COP1: variants seen among roughly 807,000 people sequenced by gnomAD.
The protein encoded by COP1 is E3 ubiquitin-protein ligase COP1.
A neutral mutation model predicts 101.3 loss-of-function variants in COP1; 24 were observed. The ratio of observed to expected loss-of-function variants is 0.24; its 90% confidence interval spans 0.17 to 0.33. The LOEUF (loss-of-function observed/expected upper bound fraction) is 0.33, where lower values mean the gene tolerates loss of function less well. Among genes scored for constraint, COP1 ranks in the 10% least tolerant of loss-of-function variants. The probability of loss-of-function intolerance (pLI) is 1.00; values close to 1 mark genes in which losing one functional copy is unlikely to be tolerated. For synonymous variants in COP1, 347 were observed against 341.9 expected (o/e 1.01, Z -0.17); for missense variants, 663 against 906.2 (o/e 0.73, Z 3.45).
Position 176,206,867 on chromosome 1 carries a change from G to C in COP1, c.112C>G (p.Pro38Ala), listed in dbSNP as rs1222646575. The C allele has an allele frequency of 6.9e-7, 1 of 1,440,298 alleles. No homozygotes were observed. The highest frequency in any genetic ancestry group is 1.5e-5 in the African/African-American group (1 of 67,700). 89.2% of individuals were successfully genotyped at this position (1,440,298 alleles called of 1,614,324 possible). A position where few individuals can be genotyped will look rare whatever the true frequency, so the allele number is the denominator to read the frequency against. ...GCTGCCGCCGAAACCGCCACGGAAG[G>C]CGGCGACGGGGAAGAGGATAAAGAC... ...SSSLSSSPSP[P>A]SVAVSAAALV... is the part of the protein sequence containing the mutation. Residue 38 changes from proline (P) to alanine (A), a missense_variant, in exon 1 of 20, where the codon CCT (proline) becomes GCT (alanine). Pro to Ala is a conservative substitution (Grantham distance 27). This residue lies in a region of COP1 where 204 missense variants were observed against 203.6 expected (regional missense o/e 1.00). Coordinates refer to ENST00000367669, the MANE Select transcript of COP1 (RefSeq NM_022457.7).
intron 15 of COP1, among the ~76,000 whole-genome samples, chr1:175,998,998 A>G (rs979755497): frequency 5.9e-5 from 9 of 152,096 alleles, no homozygotes; most frequent in Non-Finnish European, 1.3e-4. Flanking sequence ...ATGGGTTTCT[A>G]TGACTCTCTA....
chr1:176,031,340 G>T (rs2149095196), intron 14 of COP1, among the ~76,000 whole-genome samples: 1 of 152,252 alleles, frequency 6.6e-6, no homozygotes, highest in South Asian at 2.1e-4. Flanking sequence ...AATCAAGTAT[G>T]AGAAGAAACT....
rs538047441 is a variant in COP1 at position 176,186,355 on chromosome 1, A to T, written c.408-1663T>A. On this transcript the variant is annotated intron_variant, in intron 1 of 19. Transcript: ENST00000367669. ...ACCTCATCTCTACAAAAAAAAAATT[A>T]AAAAAAAAAACACAAAAACTAGCAA... is the stretch of plus-strand genomic sequence containing the variant. Among the ~76,000 whole-genome samples the T allele has an allele frequency of 1.0e-3, 149 of 145,168 alleles. 2 individuals carry two copies. The South Asian group carries it at 0.026, about 25-fold the overall frequency.
At chr1:176,046,945 G>A (rs1037812748) in intron 11 of COP1, among the ~76,000 whole-genome samples, 4 of 151,810 alleles carry the variant, frequency 2.6e-5, no homozygotes, top group Non-Finnish European at 5.9e-5. Flanking sequence ...CACAAAAGAG[G>A]TTAAATAAAT....
rs1682883515 is a variant in COP1 at position 176,098,867 on chromosome 1, CAG to C, written c.1027-12979_1027-12978del. On this transcript the variant is annotated intron_variant, in intron 9 of 19. Coordinates refer to ENST00000367669, the MANE Select transcript of COP1 (RefSeq NM_022457.7). The stretch of plus-strand genomic sequence containing the variant: ...CCTGATGCCTAGCTTTTGGATGCTG[CAG>C]AGAGTCCCTGGAGTATCCAAATGAG... 3.3e-5 allele frequency among the ~76,000 whole-genome samples: 5 copies of C among 152,288 alleles called. No homozygotes were observed. The South Asian group carries it at 1.0e-3, about 32-fold the overall frequency.
intron 9 of COP1, among the ~76,000 whole-genome samples, chr1:176,108,834 C>T (rs187720997): frequency 6.6e-6 from 1 of 152,192 alleles, no homozygotes; most frequent in Non-Finnish European, 1.5e-5. Flanking sequence ...ATAAAATTGG[C>T]CTGGAGCGGT....
rs536402509 is a variant in COP1 at position 175,976,186 on chromosome 1, G to A, written c.2133+10757C>T. ...CAAGGCTAATTTGTTAATTGGGAAA[G>A]GTATAACTATTTTATTCTGTTCAGA... On this transcript the variant is annotated intron_variant, in intron 18 of 19. Transcript: ENST00000367669. Among the ~76,000 whole-genome samples the A allele has an allele frequency of 1.7e-3, 255 of 149,356 alleles. 1 individual carries two copies. The highest frequency in any genetic ancestry group is 6.0e-3 in the African/African-American group (244 of 40,762).
chr1:175,949,111 A>G (rs1036930228), intron 18 of COP1, among the ~76,000 whole-genome samples: 4 of 135,790 alleles, frequency 2.9e-5, no homozygotes, highest in Admixed American at 1.7e-4. Context: ...TGCAGTGAGC[A>G]AAGATTGCAC....
At chr1:175,970,869 C>A (rs1653098591) in intron 18 of COP1, among the ~76,000 whole-genome samples, 1 of 152,014 alleles carries the variant, frequency 6.6e-6, no homozygotes, top group South Asian at 2.1e-4. Context: ...TTCTGAAAGA[C>A]CTGGGTCAAC....
At chr1:176,127,622 T>C (rs1460411731) in intron 8 of COP1, among the ~76,000 whole-genome samples, 3 of 151,862 alleles carry the variant, frequency 2.0e-5, no homozygotes, top group Middle Eastern at 3.4e-3. Context: ...TGTATATATA[T>C]ATACATACAA....
chr1:176,010,786 T>C (rs1664522374), intron 15 of COP1, among the ~76,000 whole-genome samples: 1 of 152,200 alleles, frequency 6.6e-6, no homozygotes, highest in Non-Finnish European at 1.5e-5. Context: ...TGCAGCTAAA[T>C]GTCAAATGTC....
At chr1:176,021,595 T>C (rs1666760568) in intron 15 of COP1, among the ~76,000 whole-genome samples, 1 of 152,202 alleles carries the variant, frequency 6.6e-6, no homozygotes, top group South Asian at 2.1e-4. Context: ...AAAAACCATG[T>C]AGGCATGTAA....
chr1:176,113,432 CTGGTT>C (rs1685623353), intron 9 of COP1, among the ~76,000 whole-genome samples: 1 of 152,060 alleles, frequency 6.6e-6, no homozygotes, highest in Non-Finnish European at 1.5e-5. Flanking sequence ...ATTATATATT[CTGGTT>C]ATTAATCCCT....
chr1:175,996,208 TA>T, intron 15 of COP1, among the ~76,000 whole-genome samples: 1 of 152,324 alleles, frequency 6.6e-6, no homozygotes, highest in African/African-American at 2.4e-5. Flanking sequence ...CCCTTTGTGC[TA>T]AAAACTCTCA....
At chr1:175,961,740 G>C (rs1404580303) in intron 18 of COP1, among the ~76,000 whole-genome samples, 2 of 150,926 alleles carry the variant, frequency 1.3e-5, no homozygotes, top group East Asian at 3.9e-4. Context: ...GAGCTCAAAG[G>C]GGCAACTGAA....
rs551784637 is a variant in COP1 at position 175,994,708 on chromosome 1, A to G, written c.1730-5229T>C. 2.5e-3 allele frequency among the ~76,000 whole-genome samples: 382 copies of G among 152,364 alleles called. 2 individuals carry two copies. The highest frequency in any genetic ancestry group is 9.0e-3 in the African/African-American group (373 of 41,582). ...AAGAAGAGCTAACTATGCTAAATAT[A>G]TATGCACCCAATACAGGAGCACCCA... is the stretch of plus-strand genomic sequence containing the variant. On this transcript the variant is annotated intron_variant, in intron 15 of 19. Coordinates refer to ENST00000367669, the MANE Select transcript of COP1 (RefSeq NM_022457.7).
intron 18 of COP1, among the ~76,000 whole-genome samples, chr1:175,981,613 T>C (rs1210831401): frequency 6.6e-6 from 1 of 152,140 alleles, no homozygotes; most frequent in Non-Finnish European, 1.5e-5. Context: ...GAAAAATTTT[T>C]TGGCTAAAAC....
chr1:176,086,705 A>G (rs1572147077), intron 9 of COP1, among the ~76,000 whole-genome samples: 1 of 152,340 alleles, frequency 6.6e-6, no homozygotes, highest in Admixed American at 6.5e-5. Flanking sequence ...TATAAATTCA[A>G]TGCCATCCCC....
chr1:176,001,582 G>C (rs1661616555), intron 15 of COP1, among the ~76,000 whole-genome samples: 2 of 152,088 alleles, frequency 1.3e-5, no homozygotes, highest in Non-Finnish European at 2.9e-5. Flanking sequence ...AGTGCCACCA[G>C]CAAGTATTCT....
Sources: allele counts gnomAD v4.1 joint callset (sites outside exome capture counted in the v4.1 genomes callset), GRCh38; gene constraint gnomAD v4.1.1; regional missense constraint gnomAD v4.1.1; transcripts MANE v1.5; gene names NCBI Gene and HGNC (gene_info 2026-07-23, HGNC 2026-07-21).